The following NAV3 variants were observed in gnomAD, a reference collection of about 807,000 sequenced individuals.
NAV3 encodes neuron navigator 3.
A neutral mutation model predicts 244.7 loss-of-function variants in NAV3; 87 were observed. That is an observed-to-expected ratio of 0.36 (90% CI 0.30 to 0.42). The LOEUF (loss-of-function observed/expected upper bound fraction) is 0.42, where lower values mean the gene tolerates loss of function less well. NAV3 is among the 20% of genes least tolerant of loss of function. The probability of loss-of-function intolerance (pLI) is 1.00; values close to 1 mark genes in which losing one functional copy is unlikely to be tolerated. For missense variants in NAV3, 2,663 were observed against 2,893.3 expected (o/e 0.92, Z 1.83); for synonymous variants, 1,126 against 1,042.2 (o/e 1.08, Z -1.55).
At chr12:77,993,471 T>C (rs796093571) in intron 5 of NAV3, among the ~76,000 whole-genome samples, 19 of 152,338 alleles carry the variant, frequency 1.2e-4, no homozygotes, top group African/African-American at 4.3e-4. Context: ...TAGCTAGTTG[T>C]GGCCAGTTGT....
chr12:77,771,150 A>G (rs945286496), intron 2 of NAV3, among the ~76,000 whole-genome samples: 1 of 152,156 alleles, frequency 6.6e-6, no homozygotes, highest in African/African-American at 2.4e-5. Flanking sequence ...GCAGCCAAAA[A>G]ACACATGAAA....
At chr12:77,997,779 C>G (rs1872608219) in intron 6 of NAV3, among the ~76,000 whole-genome samples, 1 of 152,168 alleles carries the variant, frequency 6.6e-6, no homozygotes. Flanking sequence ...TAACTCATGA[C>G]CTGGGTCTTG....
chr12:77,998,758 TTA>T (rs1226534421), intron 7 of NAV3, among the ~76,000 whole-genome samples: 2 of 152,240 alleles, frequency 1.3e-5, no homozygotes, highest in Admixed American at 1.3e-4. Flanking sequence ...TCACATTTTC[TTA>T]TGTCTTTTTA....
At chr12:78,143,193 A>T (rs1384145865) in intron 20 of NAV3, among the ~76,000 whole-genome samples, 1 of 152,172 alleles carries the variant, frequency 6.6e-6, no homozygotes, top group Non-Finnish European at 1.5e-5. Context: ...ATTTCTTTGG[A>T]CTATACCTAT....
At chr12:78,136,293 A>G (rs1245307001) in intron 18 of NAV3, among the ~76,000 whole-genome samples, 1 of 152,160 alleles carries the variant, frequency 6.6e-6, no homozygotes. Flanking sequence ...CTTAAATATG[A>G]GCATTTAGAA....
chr12:77,953,667 G>A (rs886294566), intron 3 of NAV3, among the ~76,000 whole-genome samples: 1 of 152,096 alleles, frequency 6.6e-6, no homozygotes, highest in African/African-American at 2.4e-5. Context: ...AGGAAAGCCC[G>A]CAAGGCGTTC....
chr12:77,836,579 A>C (rs1265785147), intron 1 of NAV3, among the ~76,000 whole-genome samples: 1 of 152,222 alleles, frequency 6.6e-6, no homozygotes, highest in African/African-American at 2.4e-5. Flanking sequence ...GGAGTCATAC[A>C]TAGGATCACA....
chr12:77,749,046 T>G (rs1261147516), intron 2 of NAV3, among the ~76,000 whole-genome samples: 1 of 152,208 alleles, frequency 6.6e-6, no homozygotes, highest in African/African-American at 2.4e-5. Flanking sequence ...GTAAGTGTGA[T>G]GTACAAACTC....
At chr12:77,848,947 CCAGT>C (rs565463592) in intron 1 of NAV3, among the ~76,000 whole-genome samples, 1 of 152,196 alleles carries the variant, frequency 6.6e-6, no homozygotes, top group Non-Finnish European at 1.5e-5. Flanking sequence ...GCTGTGTTTA[CCAGT>C]CAGTCAAAGT....
At chr12:77,636,022 C>T (rs572858287) in intron 2 of NAV3, among the ~76,000 whole-genome samples, 1 of 152,206 alleles carries the variant, frequency 6.6e-6, no homozygotes, top group Non-Finnish European at 1.5e-5. Context: ...GACTTAATTG[C>T]TTTAATAAGT....
At chr12:77,574,824 T>C (rs933390694) in intron 2 of NAV3, among the ~76,000 whole-genome samples, 1 of 151,988 alleles carries the variant, frequency 6.6e-6, no homozygotes, top group Admixed American at 6.6e-5. Flanking sequence ...AGGATCCTGT[T>C]TATATGAGTC....
chr12:77,705,491 A>G (rs1875754352), intron 2 of NAV3, among the ~76,000 whole-genome samples: 1 of 151,568 alleles, frequency 6.6e-6, no homozygotes, highest in South Asian at 2.1e-4. Context: ...TCTTAAAATT[A>G]TGAAATGGCT....
In NAV3 at chr12:77,628,919, A is replaced by T. The variant is rs1397873531; in HGVS notation, c.72+56653A>T. Among the ~76,000 whole-genome samples, 5 of 151,774 alleles carry T rather than the reference A, an allele frequency of 3.3e-5. No homozygotes were observed. The East Asian group carries it at 9.7e-4, about 29-fold the overall frequency. The stretch of plus-strand genomic sequence containing the variant: ...CCTGTCTCCAAAAAAAAAAAAAAAG[A>T]ATCCAAAATCAAAATGTATCCTCTG... On this transcript the variant is annotated intron_variant, in intron 2 of 8. Coordinates refer to the NAV3 transcript ENST00000550042.
intron 1 of NAV3, among the ~76,000 whole-genome samples, chr12:77,847,112 TCTC>T (rs747532545): frequency 1.3e-5 from 2 of 152,082 alleles, no homozygotes; most frequent in Non-Finnish European, 2.9e-5. Context: ...ACAGTATGCT[TCTC>T]CTCTGTAAGA....
rs199560310 is a variant in NAV3, at chr12:78,120,057, T to TA, written c.3749+113dup. On this transcript the variant is annotated intron_variant, in intron 15 of 39. Transcript: ENST00000397909. Reference sequence around the variant, plus strand: ...ATATTTTAAATATGTATAAGGTATATATATATCTTAGAATTCTTTAAAGTA... The same window carrying TA: ...ATATTTTAAATATGTATAAGGTATATAATATATCTTAGAATTCTTTAAAGTA... 6.2e-5 allele frequency: 40 copies of TA among 648,100 alleles called. 4 individuals carry two copies. The highest frequency in any genetic ancestry group is 4.8e-4 in the African/African-American group (25 of 51,796). 40.1% of individuals were successfully genotyped at this position (648,100 alleles called of 1,614,324 possible).
rs567006815 is a variant in NAV3, at chr12:78,122,063, G to T, written c.3873G>T (p.Pro1291=). 1 of 1,614,184 alleles carries T rather than the reference G, an allele frequency of 6.2e-7. No individual in the cohort carries two copies. Among genetic ancestry groups the T allele is most frequent in the South Asian group, 1.1e-5 (1 of 91,088 alleles). The change falls in exon 16 of 40, where the codon CCG becomes CCT. Residue 1291 remains proline (P), a synonymous_variant. Coordinates refer to ENST00000397909, the MANE Select transcript of NAV3 (RefSeq NM_001024383.2). The stretch of plus-strand genomic sequence containing the variant: ...CGCGGCAAGGCAGTCTGGAGTCACC[G>T]TCGTCCGGTACGGGCAGCATGGGCA... ...TLARQGSLES[P]SSGTGSMGSA...
At chr12:77,817,277 G>A (rs1872561733) in intron 2 of NAV3, among the ~76,000 whole-genome samples, 1 of 152,112 alleles carries the variant, frequency 6.6e-6, no homozygotes, top group African/African-American at 2.4e-5. Context: ...GACAGTTTTA[G>A]GTTTGGAATT....
chr12:77,939,059 A>T (rs1889613118), intron 1 of NAV3, among the ~76,000 whole-genome samples: 1 of 151,758 alleles, frequency 6.6e-6, no homozygotes, highest in South Asian at 2.1e-4. Flanking sequence ...AGTTGTGGGG[A>T]GACTTTCATT....
chr12:77,986,785 T>C (rs867706666), intron 5 of NAV3, among the ~76,000 whole-genome samples: 1 of 152,176 alleles, frequency 6.6e-6, no homozygotes, highest in African/African-American at 2.4e-5. Context: ...TACAAATACA[T>C]TTTAACTCTC....
Sources: allele counts gnomAD v4.1 joint callset (sites outside exome capture counted in the v4.1 genomes callset), GRCh38; gene constraint gnomAD v4.1.1; transcripts MANE v1.5; gene names NCBI Gene and HGNC (gene_info 2026-07-23, HGNC 2026-07-21).